Variants in DCC observed in about 807,000 individuals in gnomAD.
DCC encodes DCC netrin 1 receptor, also known as netrin receptor DCC.
In DCC, 58 loss-of-function variants were observed where a neutral mutation model predicts 172.5. That is an observed-to-expected ratio of 0.34 (90% CI 0.27 to 0.42). The LOEUF (loss-of-function observed/expected upper bound fraction) is 0.42. Ranked by LOEUF, DCC falls within the 10% of genes least tolerant of loss-of-function variation. The probability of loss-of-function intolerance (pLI) is 1.00; values close to 1 mark genes in which losing one functional copy is unlikely to be tolerated. For synonymous variants in DCC, 709 were observed against 644.5 expected, an observed-to-expected ratio of 1.10 and a Z score of -1.52; for missense variants, 1,740 against 1,791.0, an observed-to-expected ratio of 0.97 and a Z score of 0.51.
chr18:53,373,465 T>G (rs1449512512), intron 15 of DCC, among the ~76,000 whole-genome samples: 1 of 152,198 alleles, frequency 6.6e-6, no homozygotes, highest in Non-Finnish European at 1.5e-5. Context: ...AGAAGCTATA[T>G]TTATTTATAA....
rs141339971 is a variant in DCC at position 52,743,438 on chromosome 18, G to A, written c.92-8616G>A. 1.6e-4 allele frequency among the ~76,000 whole-genome samples: 25 copies of A among 152,184 alleles called. 1 individual carries two copies. In the South Asian group the frequency reaches 2.5e-3, roughly 15 times the overall value. On this transcript the variant is annotated intron_variant, in intron 1 of 28. Coordinates refer to ENST00000442544, the MANE Select transcript of DCC (RefSeq NM_005215.4). The stretch of plus-strand genomic sequence containing the variant: ...CTGGGGCATGATAACCTACATGTCC[G>A]GAAATGTTACTTGTTGGGCTGGAAA...
At chr18:52,593,476 T>C (rs548025707) in intron 1 of DCC, among the ~76,000 whole-genome samples, 1 of 152,356 alleles carries the variant, frequency 6.6e-6, no homozygotes, top group East Asian at 1.9e-4. Context: ...AGTTCATTTA[T>C]CTATTGTCTG....
intron 1 of DCC, among the ~76,000 whole-genome samples, chr18:52,377,624 A>G (rs1207316859): frequency 7.3e-6 from 1 of 137,746 alleles, no homozygotes; most frequent in Non-Finnish European, 1.5e-5. Context: ...CACCCATTGC[A>G]ACAATTATGC....
At chr18:53,033,752 G>T (rs2042056149) in intron 5 of DCC, among the ~76,000 whole-genome samples, 2 of 151,942 alleles carry the variant, frequency 1.3e-5, no homozygotes, top group South Asian at 4.1e-4. Context: ...TTTCCTTTTA[G>T]ATATCACCTT....
chr18:52,779,869 A>C (rs4638688), intron 2 of DCC, among the ~76,000 whole-genome samples: 12,484 of 152,122 alleles, frequency 0.082, 735 homozygotes, highest in South Asian at 0.16. Context: ...GATGGTATCT[A>C]TTTGTGGTTT....
chr18:52,594,836 C>G (rs1178105703), intron 1 of DCC, among the ~76,000 whole-genome samples: 1 of 152,152 alleles, frequency 6.6e-6, no homozygotes, highest in African/African-American at 2.4e-5. Flanking sequence ...AGGACAGCAC[C>G]AAGCCATGAG....
rs375390184 is a variant in DCC at position 52,722,388 on chromosome 18, ATTC to A, written c.92-29665_92-29663del. On this transcript the variant is annotated intron_variant, in intron 1 of 28. Coordinates refer to ENST00000442544, the MANE Select transcript of DCC (RefSeq NM_005215.4). Reference sequence around the variant, plus strand: ...TTCACCATTCACCTCCACCCTCAATATTCCTTCTCATCCTCAGACTCCCAGTAA... The same window carrying A: ...TTCACCATTCACCTCCACCCTCAATACTTCTCATCCTCAGACTCCCAGTAA... 7.9e-4 allele frequency among the ~76,000 whole-genome samples: 120 copies of A among 151,896 alleles called. 2 individuals are homozygous for A. The East Asian group carries it at 0.013, about 17-fold the overall frequency.
At chr18:53,472,251 G>A (rs1233972775) in intron 25 of DCC, among the ~76,000 whole-genome samples, 1 of 152,162 alleles carries the variant, frequency 6.6e-6, no homozygotes, top group Non-Finnish European at 1.5e-5. Flanking sequence ...AAGGATTGGA[G>A]AGTTTAAGTA....
chr18:52,825,843 G>C (rs1568128309), intron 2 of DCC, among the ~76,000 whole-genome samples: 1 of 152,172 alleles, frequency 6.6e-6, no homozygotes, highest in Admixed American at 6.5e-5. Flanking sequence ...TTTCTAATGT[G>C]ACATATGGTT....
chr18:52,833,215 C>T (rs2072374347), intron 2 of DCC, among the ~76,000 whole-genome samples: 1 of 152,126 alleles, frequency 6.6e-6, no homozygotes, highest in African/African-American at 2.4e-5. Context: ...AGTGTTAGGG[C>T]CACATTTTCA....
chr18:53,299,593 A>T (rs765893471), intron 12 of DCC, among the ~76,000 whole-genome samples: 3 of 152,170 alleles, frequency 2.0e-5, no homozygotes, highest in Non-Finnish European at 2.9e-5. Flanking sequence ...AAACCTTAGC[A>T]TGTTGTTTTT....
chr18:52,783,408 G>T (rs1024143978), intron 2 of DCC, among the ~76,000 whole-genome samples: 2 of 124,098 alleles, frequency 1.6e-5, no homozygotes, highest in Non-Finnish European at 3.1e-5. Flanking sequence ...CTTTACACAA[G>T]GCAGCAAAGT....
intron 5 of DCC, among the ~76,000 whole-genome samples, chr18:52,942,141 ACTGT>A (rs1408073237): frequency 1.3e-5 from 2 of 152,132 alleles, no homozygotes; most frequent in African/African-American, 4.8e-5. Context: ...AATTATGTAG[ACTGT>A]TGGTTTGAGA....
intron 1 of DCC, among the ~76,000 whole-genome samples, chr18:52,452,539 C>A (rs1230531043): frequency 6.6e-6 from 1 of 152,168 alleles, no homozygotes; most frequent in Non-Finnish European, 1.5e-5. Flanking sequence ...CTTAGCAAAA[C>A]AGGGGAAGAT....
intron 1 of DCC, among the ~76,000 whole-genome samples, chr18:52,722,852 C>G (rs1318313393): frequency 1.3e-5 from 2 of 152,146 alleles, no homozygotes; most frequent in Non-Finnish European, 2.9e-5. Context: ...TGTATTCCCT[C>G]CTTTTGGTGG....
chr18:52,568,725 C>T (rs1904822205), intron 1 of DCC, among the ~76,000 whole-genome samples: 1 of 151,934 alleles, frequency 6.6e-6, no homozygotes, highest in African/African-American at 2.4e-5. Flanking sequence ...TTAGATGTAC[C>T]CATAGACAAA....
At position 52,953,393 on chromosome 18, in the gene DCC, C is replaced by A. The variant is rs144920967; in HGVS notation, c.985+28023C>A. Among the ~76,000 whole-genome samples, 179 of 152,258 alleles carry A rather than the reference C, an allele frequency of 1.2e-3. No homozygotes were observed. In the East Asian group the frequency reaches 0.032, roughly 27 times the overall value. ...CGACTGATGTCTTCTCCAGGGCTTT[C>A]CGCCTCTGTGACCCAGTCCAAATTC... On this transcript the variant is annotated intron_variant, in intron 5 of 28. Transcript: ENST00000442544.
At chr18:53,397,184 C>A in intron 17 of DCC, 124 bp from the exon 18 acceptor site, 1 of 851,440 alleles carries the variant, frequency 1.2e-6, no homozygotes. Flanking sequence ...CTATGCTCTA[C>A]TCCTCTGCTG....
intron 1 of DCC, among the ~76,000 whole-genome samples, chr18:52,680,365 G>A (rs1268756845): frequency 3.9e-5 from 6 of 152,062 alleles, no homozygotes; most frequent in Admixed American, 6.6e-5. Flanking sequence ...GGCCAGTGAT[G>A]TTTGCTGGCT....
Sources: allele counts gnomAD v4.1 joint callset (sites outside exome capture counted in the v4.1 genomes callset), GRCh38; gene constraint gnomAD v4.1.1; transcripts MANE v1.5; gene names NCBI Gene and HGNC (gene_info 2026-07-23, HGNC 2026-07-21).